Variants in MMS22L observed in about 807,000 individuals in gnomAD.
The protein encoded by MMS22L is protein MMS22-like.
In MMS22L, 74 loss-of-function variants were observed where a neutral mutation model predicts 159.1. That is an observed-to-expected ratio of 0.47 (90% confidence interval 0.39 to 0.56). MMS22L has a LOEUF of 0.56. MMS22L is among the 20% of genes least tolerant of loss of function. The pLI, the probability that MMS22L is intolerant of heterozygous loss-of-function variation, is 0.00. For missense variants in MMS22L, 1,351 were observed against 1,422.1 expected (o/e 0.95, Z 0.80); for synonymous variants, 517 against 506.9 (o/e 1.02, Z -0.27).
intron 11 of MMS22L, among the ~76,000 whole-genome samples, chr6:97,234,865 G>A (rs1201152245): frequency 6.6e-6 from 1 of 152,154 alleles, no homozygotes; most frequent in Non-Finnish European, 1.5e-5. Context: ...ATAAAGACTT[G>A]GAAGAAAAAC....
At chr6:97,272,912 AG>A in intron 5 of MMS22L, 31 bp from the exon 6 acceptor site, 1 of 1,608,258 alleles carries the variant, frequency 6.2e-7, no homozygotes, top group Non-Finnish European at 8.5e-7. Flanking sequence ...ATAAACAACT[AG>A]AGTCTGTGTG....
intron 14 of MMS22L, among the ~76,000 whole-genome samples, chr6:97,214,069 A>G (rs1808693632): frequency 6.6e-6 from 1 of 152,226 alleles, no homozygotes; most frequent in Non-Finnish European, 1.5e-5. Flanking sequence ...TAAGAATTAC[A>G]TCTAAGGTTC....
chr6:97,232,024 T>C (rs1224606339), intron 12 of MMS22L, among the ~76,000 whole-genome samples: 1 of 152,142 alleles, frequency 6.6e-6, no homozygotes, highest in Non-Finnish European at 1.5e-5. Flanking sequence ...AAATTTCCCA[T>C]GTTCTAAATT....
intron 14 of MMS22L, among the ~76,000 whole-genome samples, chr6:97,215,116 T>TA (rs1410024960): frequency 5.3e-3 from 705 of 132,022 alleles, no homozygotes; most frequent in South Asian, 9.9e-3. Context: ...ATATATATAT[T>TA]TTTTTTTTGC....
At chr6:97,281,482 G>T in intron 2 of MMS22L, 120 bp from the exon 3 acceptor site, 2 of 765,624 alleles carry the variant, frequency 2.6e-6, no homozygotes, top group Non-Finnish European at 2.0e-6. Flanking sequence ...GTCAGAAAAT[G>T]CCTTGGTACT....
intron 7 of MMS22L, among the ~76,000 whole-genome samples, chr6:97,269,011 C>T (rs141483742): frequency 8.6e-4 from 131 of 151,630 alleles, no homozygotes; most frequent in African/African-American, 3.1e-3. Context: ...CTTAAAAATG[C>T]CAAAGAGCAA....
intron 4 of MMS22L, among the ~76,000 whole-genome samples, chr6:97,273,753 ATTAAG>A (rs1018547953): frequency 1.3e-5 from 2 of 152,172 alleles, no homozygotes; most frequent in African/African-American, 4.8e-5. Flanking sequence ...TCAGAGTCCT[ATTAAG>A]TTAATAACCA....
chr6:97,157,689 AG>A (rs768837424), intron 22 of MMS22L, among the ~76,000 whole-genome samples: 27 of 152,300 alleles, frequency 1.8e-4, no homozygotes, highest in Admixed American at 5.2e-4. Context: ...GTGGTGGATA[AG>A]CTTTTTGATG....
intron 14 of MMS22L, among the ~76,000 whole-genome samples, chr6:97,219,538 AC>A (rs1562472456): frequency 6.6e-6 from 1 of 152,176 alleles, no homozygotes; most frequent in Non-Finnish European, 1.5e-5. Context: ...AGCTAGTGCT[AC>A]CCTACTGGAC....
intron 22 of MMS22L, among the ~76,000 whole-genome samples, chr6:97,160,173 A>C (rs553925769): frequency 2.6e-4 from 39 of 152,126 alleles, no homozygotes; most frequent in Admixed American, 5.3e-4. Flanking sequence ...TACTGTCTTA[A>C]TAATTATATG....
chr6:97,241,357 A>C (rs1489093899), intron 11 of MMS22L, among the ~76,000 whole-genome samples: 1 of 152,192 alleles, frequency 6.6e-6, no homozygotes, highest in Non-Finnish European at 1.5e-5. Flanking sequence ...ATCTTCTTTT[A>C]GTTCTCTAAG....
At chr6:97,188,313 G>C (rs1217216850) in intron 14 of MMS22L, among the ~76,000 whole-genome samples, 1 of 152,098 alleles carries the variant, frequency 6.6e-6, no homozygotes, top group Non-Finnish European at 1.5e-5. Context: ...GAGTAGGATG[G>C]ATTTTGCTCA....
Position 97,165,395 on chromosome 6 carries a change from C to A in MMS22L, c.3072G>T (p.Gly1024=). 3.1e-6 allele frequency: 5 copies of A among 1,613,142 alleles called. No individual in the cohort carries two copies. The highest frequency in any genetic ancestry group is 4.2e-6 in the Non-Finnish European group (5 of 1,179,546). Residue 1024 remains glycine, a synonymous_variant, in exon 21 of 25, where the codon GGG becomes GGT. Coordinates refer to ENST00000683635, the MANE Select transcript of MMS22L (RefSeq NM_001350599.2). ...NPNAYLNQLL[G]NVIEQYIGRF... ...GCCCAATATACTGCTCAATAACATTCCCTAGCAATTGATTCAAATAGGCAT... is the reference window on the plus strand; with the variant it reads ...GCCCAATATACTGCTCAATAACATTACCTAGCAATTGATTCAAATAGGCAT...
At chr6:97,159,534 A>C (rs1456400929) in intron 22 of MMS22L, among the ~76,000 whole-genome samples, 2 of 151,960 alleles carry the variant, frequency 1.3e-5, no homozygotes, top group Non-Finnish European at 2.9e-5. Context: ...ACTTTATATA[A>C]ATTTATGTCT....
chr6:97,191,587 AT>A (rs1025263911), intron 14 of MMS22L, among the ~76,000 whole-genome samples: 2 of 152,244 alleles, frequency 1.3e-5, no homozygotes, highest in Non-Finnish European at 2.9e-5. Flanking sequence ...CTTTAAAAAA[AT>A]CTTTATTAGT....
rs761512736 is a variant in MMS22L at position 97,272,764 on chromosome 6, T to C, written c.546A>G (p.Gly182=). Reference sequence around the variant, plus strand: ...TAACACTGGGAAGTTCAGATAGGTGTCCAATATACAAGAGTAATCCATGAA... The same window carrying C: ...TAACACTGGGAAGTTCAGATAGGTGCCCAATATACAAGAGTAATCCATGAA... ...DELHGLLLYI[G]HLSELPSVNI... The change falls in exon 6 of 25, where the codon GGA becomes GGG. Residue 182 remains glycine (G), a synonymous_variant. Coordinates refer to ENST00000683635, the MANE Select transcript of MMS22L (RefSeq NM_001350599.2). The C allele has an allele frequency of 1.9e-6, 3 of 1,613,858 alleles. No individual in the cohort carries two copies. Among genetic ancestry groups the C allele is most frequent in the Non-Finnish European group, 2.5e-6 (3 of 1,179,918 alleles).
chr6:97,157,326 A>G (rs1437767174), intron 22 of MMS22L, among the ~76,000 whole-genome samples: 1 of 152,150 alleles, frequency 6.6e-6, no homozygotes, highest in Non-Finnish European at 1.5e-5. Flanking sequence ...CTCTTGCCTG[A>G]CTGTCCTGGC....
At chr6:97,215,845 G>C (rs2127960901) in intron 14 of MMS22L, among the ~76,000 whole-genome samples, 1 of 152,230 alleles carries the variant, frequency 6.6e-6, no homozygotes, top group South Asian at 2.1e-4. Flanking sequence ...AGCTCACCAG[G>C]GGGAAATAGG....
At chr6:97,163,524 G>C (rs1309896141) in intron 21 of MMS22L, among the ~76,000 whole-genome samples, 1 of 151,974 alleles carries the variant, frequency 6.6e-6, no homozygotes, top group Non-Finnish European at 1.5e-5. Flanking sequence ...AACTAATTCT[G>C]GGATCCTAAA....
Sources: allele counts gnomAD v4.1 joint callset (sites outside exome capture counted in the v4.1 genomes callset), GRCh38; gene constraint gnomAD v4.1.1; transcripts MANE v1.5; gene names NCBI Gene and HGNC (gene_info 2026-07-23, HGNC 2026-07-21).